Variants in C10orf90 observed in about 807,000 individuals in gnomAD.
C10orf90 encodes chromosome 10 open reading frame 90.
C10orf90 carries 56 observed loss-of-function variants against 62.5 expected under a neutral mutation model. That is an observed-to-expected ratio of 0.90 (90% CI 0.72 to 1.12). C10orf90 has a LOEUF of 1.12. Ranked by LOEUF, C10orf90 falls within the 50% of genes most tolerant of loss-of-function variation. C10orf90 has a pLI of 0.00. For missense variants in C10orf90, 970 were observed against 880.4 expected (o/e 1.10, Z -1.29); for synonymous variants, 386 against 340.4 (o/e 1.13, Z -1.47).
intron 7 of C10orf90, among the ~76,000 whole-genome samples, chr10:126,433,578 T>C (rs755567283): frequency 3.3e-5 from 5 of 152,056 alleles, no homozygotes; most frequent in Non-Finnish European, 7.4e-5. Flanking sequence ...CTGTACAGGG[T>C]AGAAGACTCT....
At chr10:126,511,481 T>A (rs1460325272) in intron 3 of C10orf90, among the ~76,000 whole-genome samples, 1 of 152,150 alleles carries the variant, frequency 6.6e-6, no homozygotes, top group Non-Finnish European at 1.5e-5. Context: ...GCTCTTCTCG[T>A]CCTGTAAAAC....
chr10:126,616,593 T>C (rs1845546612), intron 2 of C10orf90, among the ~76,000 whole-genome samples: 2 of 152,132 alleles, frequency 1.3e-5, no homozygotes, highest in African/African-American at 2.4e-5. Flanking sequence ...CCATGAGACA[T>C]GAGCAGCTTG....
chr10:126,563,590 C>T (rs897795743), intron 2 of C10orf90, among the ~76,000 whole-genome samples: 5 of 152,120 alleles, frequency 3.3e-5, no homozygotes, highest in African/African-American at 4.8e-5. Context: ...ACCTGGTGGC[C>T]GTGAGCCCAA....
intron 2 of C10orf90, among the ~76,000 whole-genome samples, chr10:126,632,186 C>G (rs1452536495): frequency 6.6e-6 from 1 of 152,006 alleles, no homozygotes; most frequent in Non-Finnish European, 1.5e-5. Context: ...CCACCCCACC[C>G]TCTAATGTTG....
intron 7 of C10orf90, among the ~76,000 whole-genome samples, chr10:126,446,504 A>G (rs944798347): frequency 1.3e-5 from 2 of 152,124 alleles, no homozygotes; most frequent in African/African-American, 4.8e-5. Context: ...GGGGGAAAAA[A>G]ATCTGTCAAC....
At chr10:126,497,527 C>T (rs556300646) in intron 4 of C10orf90, among the ~76,000 whole-genome samples, 67 of 152,212 alleles carry the variant, frequency 4.4e-4, no homozygotes, top group African/African-American at 1.5e-3. Flanking sequence ...AACCATAGGC[C>T]CCAAAAATGG....
In C10orf90 at chr10:126,578,625, C is replaced by T. The variant is rs572767219; in HGVS notation, c.314-64686G>A. ...CCTGCATATATACACAATAGAAATGCTTACGTATGTTTACCCAAAGACACG... is the reference window on the plus strand; with the variant it reads ...CCTGCATATATACACAATAGAAATGTTTACGTATGTTTACCCAAAGACACG... On this transcript the variant is annotated intron_variant, in intron 2 of 9. Coordinates refer to ENST00000488181, the MANE Select transcript of C10orf90 (RefSeq NM_001350921.2). Among the ~76,000 whole-genome samples, 13 of 152,256 alleles carry T rather than the reference C, an allele frequency of 8.5e-5. No individual in the cohort carries two copies. The South Asian group carries it at 2.3e-3, about 27-fold the overall frequency.
At chr10:126,616,234 A>G (rs1845538470) in intron 2 of C10orf90, among the ~76,000 whole-genome samples, 1 of 152,172 alleles carries the variant, frequency 6.6e-6, no homozygotes, top group Admixed American at 6.5e-5. Flanking sequence ...CCTCGTATTT[A>G]TTGAACATAA....
intron 2 of C10orf90, among the ~76,000 whole-genome samples, chr10:126,529,402 T>C (rs1043469801): frequency 6.6e-6 from 1 of 152,100 alleles, no homozygotes; most frequent in African/African-American, 2.4e-5. Context: ...TTTCTGATCA[T>C]CAAAAGATTC....
intron 4 of C10orf90, among the ~76,000 whole-genome samples, chr10:126,501,942 A>AAC (rs879923504): frequency 9.1e-4 from 137 of 150,598 alleles, no homozygotes; most frequent in African/African-American, 2.6e-3. Context: ...CCTAGGGATA[A>AAC]ACACACACAC....
chr10:126,512,336 GTA>G (rs1359423688), intron 3 of C10orf90, among the ~76,000 whole-genome samples: 4 of 137,728 alleles, frequency 2.9e-5, no homozygotes, highest in African/African-American at 1.1e-4. Flanking sequence ...CTATGTGTGT[GTA>G]TGTGTGTGTG....
At chr10:126,461,984 A>T (rs887910279) in intron 5 of C10orf90, among the ~76,000 whole-genome samples, 1 of 152,176 alleles carries the variant, frequency 6.6e-6, no homozygotes, top group African/African-American at 2.4e-5. Context: ...TGATATAAGG[A>T]CAGGGCGCTG....
At chr10:126,657,820 T>C (rs988151921) in intron 1 of C10orf90, among the ~76,000 whole-genome samples, 14 of 152,094 alleles carry the variant, frequency 9.2e-5, no homozygotes, top group African/African-American at 3.1e-4. Context: ...TTCTCCATGT[T>C]GATCAGGCTG....
intron 4 of C10orf90, 44 bp from the exon 5 acceptor site, chr10:126,465,030 C>T (rs1860204471): frequency 1.3e-6 from 2 of 1,574,682 alleles, no homozygotes; most frequent in Non-Finnish European, 1.7e-6. Context: ...CTTATGAATC[C>T]AATCTAATGT....
At chr10:126,477,745 A>G (rs2133791780) in intron 4 of C10orf90, among the ~76,000 whole-genome samples, 1 of 152,336 alleles carries the variant, frequency 6.6e-6, no homozygotes, top group South Asian at 2.1e-4. Context: ...TCCTCATGGA[A>G]TAGGAGTTTT....
At chr10:126,508,756 A>G (rs1198199267) in intron 3 of C10orf90, among the ~76,000 whole-genome samples, 2 of 152,094 alleles carry the variant, frequency 1.3e-5, no homozygotes, top group African/African-American at 4.8e-5. Flanking sequence ...GCAAGGAGAA[A>G]ACAGGGGTGG....
rs375365817 is a variant in C10orf90 at position 126,503,998 on chromosome 10, T to C, written c.1493A>G (p.Asn498Ser). 93 of 1,613,212 alleles carry C rather than the reference T, an allele frequency of 5.8e-5. No individual in the cohort carries two copies. The highest frequency in any genetic ancestry group is 8.0e-5 in the African/African-American group (6 of 74,908). The part of the protein sequence containing the change: ...TTHCHASDHA[N>S]QLSIHIPGWS... ...GCCAGGAATGTGAATGGACAGTTGGTTGGCATGATCGCTGGCGTGACAATG... is the reference window on the plus strand; with the variant it reads ...GCCAGGAATGTGAATGGACAGTTGGCTGGCATGATCGCTGGCGTGACAATG... The change falls in exon 4 of 10, where the codon AAC (asparagine) becomes AGC (serine). Residue 498 changes from asparagine (N) to serine (S), a missense_variant. Transcript: ENST00000488181.
At chr10:126,582,130 T>C (rs10901638) in intron 2 of C10orf90, among the ~76,000 whole-genome samples, 90,693 of 152,052 alleles carry the variant, frequency 0.6, 27,456 homozygotes, top group African/African-American at 0.69. Flanking sequence ...GGTTAGCCTA[T>C]AGTCTGCTGC....
In C10orf90 at chr10:126,566,001, C is replaced by G. The variant is rs141480693; in HGVS notation, c.314-52062G>C. 7.6e-3 allele frequency among the ~76,000 whole-genome samples: 1,162 copies of G among 152,348 alleles called. 8 individuals carry two copies. Among genetic ancestry groups the G allele is most frequent in the African/African-American group, 0.024 (1,005 of 41,574 alleles). ...ATCATTTTCCTGTGTGCAGCTCTGG[C>G]TATTTTCAGACTACCCTATTGTCAT... is the stretch of plus-strand genomic sequence containing the variant. On this transcript the variant is annotated intron_variant, in intron 2 of 9. Coordinates refer to ENST00000488181, the MANE Select transcript of C10orf90 (RefSeq NM_001350921.2).
Sources: gnomAD v4.1 joint callset for allele counts (sites outside exome capture counted in the v4.1 genomes callset) on GRCh38, gnomAD v4.1.1 for gene constraint, MANE v1.5 for transcripts, NCBI Gene and HGNC (gene_info 2026-07-23, HGNC 2026-07-21) for gene names.